WDR59: variants seen among roughly 807,000 people sequenced by gnomAD.
WDR59 encodes WD repeat domain 59, also known as GATOR2 complex protein WDR59.
A neutral mutation model predicts 131.2 loss-of-function variants in WDR59; 100 were observed. That is an observed-to-expected ratio of 0.76 (90% confidence interval 0.65 to 0.90). The LOEUF (loss-of-function observed/expected upper bound fraction) is 0.90. Ranked by LOEUF, WDR59 falls within the 40% of genes least tolerant of loss-of-function variation. The pLI is 0.00. For missense variants in WDR59, 1,203 were observed against 1,262.2 expected, an observed-to-expected ratio of 0.95 and a Z score of 0.71; for synonymous variants, 601 against 466.2, an observed-to-expected ratio of 1.29 and a Z score of -3.72.
intron 2 of WDR59, among the ~76,000 whole-genome samples, chr16:74,957,163 C>T (rs1003296612): frequency 6.6e-6 from 1 of 150,884 alleles, no homozygotes; most frequent in African/African-American, 2.4e-5. Context: ...TCACTGCAAC[C>T]TCCGCTTCCC....
chr16:74,934,118 T>A (rs2031613579), intron 8 of WDR59, among the ~76,000 whole-genome samples: 1 of 152,178 alleles, frequency 6.6e-6, no homozygotes, highest in Non-Finnish European at 1.5e-5. Flanking sequence ...TGTGCATGCC[T>A]CCCTATTATC....
chr16:74,984,882 C>A, intron 1 of WDR59, 82 bp downstream of exon 1: 3 of 1,556,082 alleles, frequency 1.9e-6, no homozygotes, highest in Non-Finnish European at 2.6e-6. Flanking sequence ...CCCCGTAGCC[C>A]CCCGGGACGG....
rs758327184 is a variant in WDR59 at position 74,909,967 on chromosome 16, A to G, written c.1390-50T>C. On this transcript the variant is annotated intron_variant, in intron 14 of 25. Coordinates refer to ENST00000262144, the MANE Select transcript of WDR59 (RefSeq NM_030581.4). ...AAGAAGAGGAACACATTTCTCTGAT[A>G]GGTTTTTTTTTTTTTTTTGAGACAA... 59 of 910,072 alleles carry G rather than the reference A, an allele frequency of 6.5e-5. 2 individuals carry two copies. In the South Asian group the frequency reaches 9.3e-4, roughly 14 times the overall value. The allele number at this position is 910,072 out of a possible 1,614,324, so 56.4% of individuals were successfully genotyped here.
intron 1 of WDR59, among the ~76,000 whole-genome samples, chr16:74,973,232 ACT>A (rs1375394716): frequency 1.3e-5 from 2 of 151,970 alleles, no homozygotes; most frequent in African/African-American, 4.8e-5. Context: ...CAAGAGCAAA[ACT>A]CTGTCTCAAA....
chr16:74,886,497 A>G lies in WDR59; in HGVS notation c.2420-101T>C, dbSNP rs1597639641. 3.5e-6 allele frequency: 5 copies of G among 1,440,542 alleles called. No homozygotes were observed. In the East Asian group the frequency reaches 1.2e-4, roughly 34 times the overall value. The allele number at this position is 1,440,542 out of a possible 1,614,324, so 89.2% of individuals were successfully genotyped here. A position where few individuals can be genotyped will look rare whatever the true frequency, so the allele number is the denominator to read the frequency against. On this transcript the variant is annotated intron_variant, in intron 23 of 25. Transcript: ENST00000262144. The stretch of plus-strand genomic sequence containing the variant: ...AGCACGTGGCCAATGGATTTCCCAG[A>G]AGAAATGTTAAGCGAGGCTGAATAT...
At chr16:74,905,280 CAGG>C (rs1231658700) in intron 17 of WDR59, among the ~76,000 whole-genome samples, 1 of 152,028 alleles carries the variant, frequency 6.6e-6, no homozygotes, top group African/African-American at 2.4e-5. Context: ...GAGGTTGAGG[CAGG>C]AGAATCACTT....
rs201118431 is a variant in WDR59, at chr16:74,872,566, T to TAAAA, written c.*1639_*1642dup. Reference sequence around the variant, plus strand: ...CAGAGTGAGACCCTGTCTCTCTCTCTAAAAAAAAAAAAAAAAAATTTAACT... The same window carrying TAAAA: ...CAGAGTGAGACCCTGTCTCTCTCTCTAAAAAAAAAAAAAAAAAAAAAATTTAACT... On this transcript the variant is annotated 3_prime_UTR_variant, in exon 26 of 26. Coordinates refer to ENST00000262144, the MANE Select transcript of WDR59 (RefSeq NM_030581.4). 3.3e-5 allele frequency: 4 copies of TAAAA among 122,560 alleles called. No individual in the cohort carries two copies. Among genetic ancestry groups the TAAAA allele is most frequent in the Admixed American group, 8.5e-5 (1 of 11,824 alleles). 7.6% of individuals were successfully genotyped at this position (122,560 alleles called of 1,614,324 possible). A position where few individuals can be genotyped will look rare whatever the true frequency, so the allele number is the denominator to read the frequency against.
Position 74,916,175 on chromosome 16 carries a change from T to C in WDR59, c.1051A>G (p.Thr351Ala), listed in dbSNP as rs567359444. The change falls in exon 12 of 26, where the codon ACT (threonine) becomes GCT (alanine). Residue 351 changes from threonine to alanine, a missense_variant. Transcript: ENST00000262144. ...LLPEPEKTLH[T>A]EDTDHQHTAS... ...GTGTGCTGGTGATCTGTATCTTCAG[T>C]GTGCAGGGTCTTCTCAGGTTCCGGC... is the stretch of plus-strand genomic sequence containing the variant. 5.0e-6 allele frequency: 8 copies of C among 1,614,200 alleles called. No homozygotes were observed. The African/African-American group carries it at 8.0e-5, about 16-fold the overall frequency.
chr16:74,905,070 T>C (rs1285441761), intron 17 of WDR59, among the ~76,000 whole-genome samples: 1 of 152,262 alleles, frequency 6.6e-6, no homozygotes, highest in African/African-American at 2.4e-5. Flanking sequence ...TATTTTTCTA[T>C]AAAGCTTTTA....
At chr16:74,907,789 A>G (rs933860559) in intron 17 of WDR59, among the ~76,000 whole-genome samples, 1 of 152,220 alleles carries the variant, frequency 6.6e-6, no homozygotes, top group African/African-American at 2.4e-5. Context: ...AGCACTTCCA[A>G]TGTACCAGGT....
At chr16:74,926,751 G>A (rs1414577576) in intron 8 of WDR59, among the ~76,000 whole-genome samples, 1 of 152,196 alleles carries the variant, frequency 6.6e-6, no homozygotes, top group Non-Finnish European at 1.5e-5. Flanking sequence ...GCTTGGTTTG[G>A]TTAATAACTT....
chr16:74,933,717 G>A (rs1266889311), intron 8 of WDR59, among the ~76,000 whole-genome samples: 1 of 152,128 alleles, frequency 6.6e-6, no homozygotes, highest in Non-Finnish European at 1.5e-5. Flanking sequence ...CACCCAACTA[G>A]CTGGGATTAC....
At chr16:74,971,335 C>T (rs1056841236) in intron 1 of WDR59, among the ~76,000 whole-genome samples, 1 of 150,892 alleles carries the variant, frequency 6.6e-6, no homozygotes, top group African/African-American at 2.4e-5. Flanking sequence ...TGACAGTGGT[C>T]CCAAAAAAAA....
chr16:74,882,917 C>G (rs986951944), intron 25 of WDR59, among the ~76,000 whole-genome samples: 4 of 149,650 alleles, frequency 2.7e-5, no homozygotes, highest in African/African-American at 9.8e-5. Flanking sequence ...TTCTATGCAT[C>G]TTATTACAAA....
chr16:74,945,630 G>A (rs903187649), intron 6 of WDR59, among the ~76,000 whole-genome samples: 5 of 152,064 alleles, frequency 3.3e-5, no homozygotes, highest in African/African-American at 4.8e-5. Context: ...GCAGGTGGTG[G>A]CGGGGGGCAG....
At chr16:74,909,088 C>A in intron 16 of WDR59, 111 bp from the exon 17 acceptor site, 4 of 916,804 alleles carry the variant, frequency 4.4e-6, no homozygotes, top group Non-Finnish European at 6.9e-6. Context: ...GAGGGTAAGA[C>A]ACATTTTCAT....
chr16:74,889,833 A>G lies in WDR59; in HGVS notation c.2083-18T>C, dbSNP rs567864743. The G allele has an allele frequency of 1.9e-6, 3 of 1,588,014 alleles. No homozygotes were observed. In the Admixed American group the frequency reaches 5.3e-5, roughly 28 times the overall value. ...GACCAAACCTGGACAGATCAAAGAG[A>G]AATACAAACTCAAACTGGCAAGGAC... is the stretch of plus-strand genomic sequence containing the variant. On this transcript the variant is annotated intron_variant, in intron 20 of 25. Transcript: ENST00000262144.
chr16:74,935,912 G>T (rs946074069), intron 8 of WDR59, among the ~76,000 whole-genome samples: 5 of 151,452 alleles, frequency 3.3e-5, no homozygotes, highest in Non-Finnish European at 1.5e-5. Flanking sequence ...CAGGAGAATC[G>T]CTTGAACCTG....
intron 6 of WDR59, among the ~76,000 whole-genome samples, chr16:74,945,554 C>T (rs145969908): frequency 8.1e-4 from 123 of 152,078 alleles, no homozygotes; most frequent in African/African-American, 2.6e-3. Flanking sequence ...CTGTAGACCA[C>T]CTGTATTTCT....
Sources: gnomAD v4.1 joint callset for allele counts (sites outside exome capture counted in the v4.1 genomes callset) on GRCh38, gnomAD v4.1.1 for gene constraint, MANE v1.5 for transcripts, NCBI Gene and HGNC (gene_info 2026-07-23, HGNC 2026-07-21) for gene names.